Variants in TRIM37 observed in about 807,000 individuals in gnomAD.
TRIM37 encodes the protein E3 ubiquitin-protein ligase TRIM37.
TRIM37 carries 80 observed loss-of-function variants against 129.8 expected under a neutral mutation model. The ratio of observed to expected loss-of-function variants is 0.62; its 90% CI spans 0.51 to 0.74. The LOEUF (loss-of-function observed/expected upper bound fraction) is 0.74, where lower values mean the gene tolerates loss of function less well. Ranked by LOEUF, TRIM37 falls within the 30% of genes least tolerant of loss-of-function variation. TRIM37 has a pLI of 0.00. For synonymous variants in TRIM37, 389 were observed against 387.1 expected (o/e 1.00, Z -0.06); for missense variants, 1,054 against 1,176.5 (o/e 0.90, Z 1.52).
chr17:59,066,110 G>A (rs1252601163), intron 9 of TRIM37, among the ~76,000 whole-genome samples: 1 of 152,078 alleles, frequency 6.6e-6, no homozygotes, highest in Non-Finnish European at 1.5e-5. Context: ...TTTGCTCTAA[G>A]GTCTTCCCAT....
intron 21 of TRIM37, among the ~76,000 whole-genome samples, chr17:59,015,330 C>G (rs978058514): frequency 6.6e-6 from 1 of 150,876 alleles, no homozygotes; most frequent in African/African-American, 2.4e-5. Flanking sequence ...ATCCCAGCTA[C>G]TTGGGAGGCT....
At chr17:58,997,672 GA>G (rs1859414138), downstream of TRIM37, among the ~76,000 whole-genome samples, 1 of 152,092 alleles carries the variant, frequency 6.6e-6, no homozygotes, top group South Asian at 2.1e-4. Flanking sequence ...ACTAAATACA[GA>G]AGCAAGGTAA....
intron 24 of TRIM37, among the ~76,000 whole-genome samples, chr17:58,986,013 A>G (rs1447744737): frequency 1.3e-5 from 2 of 152,226 alleles, no homozygotes; most frequent in Non-Finnish European, 2.9e-5. Context: ...ATCAAAAGGA[A>G]CACCTCTTTC....
rs1005170663 is a variant in TRIM37 at position 59,015,076 on chromosome 17, C to CA, written c.2576+533dup. On this transcript the variant is annotated intron_variant, in intron 21 of 23. Coordinates refer to ENST00000262294, the MANE Select transcript of TRIM37 (RefSeq NM_015294.6). ...TGGGCAACAGAGCGAGACTCCATCT[C>CA]AAAAAAAAAAAAAGTACTATCTCAT... is the stretch of plus-strand genomic sequence containing the variant. Among the ~76,000 whole-genome samples, 335 of 76,070 alleles carry CA rather than the reference C, an allele frequency of 4.4e-3. 2 individuals are homozygous for CA. The highest frequency in any genetic ancestry group is 0.028 in the East Asian group (78 of 2,770). 49.9% of individuals were successfully genotyped at this position (76,070 alleles called of 152,430 possible).
In TRIM37 at chr17:59,081,955, A is replaced by ATAAT. The variant is rs1204088877; in HGVS notation, c.370-737_370-736insATTA. Among the ~76,000 whole-genome samples, 436 of 117,520 alleles carry ATAAT rather than the reference A, an allele frequency of 3.7e-3. 4 individuals carry two copies. The highest frequency in any genetic ancestry group is 0.014 in the African/African-American group (399 of 28,320). The allele number at this position is 117,520 out of a possible 152,430, so 77.1% of individuals were successfully genotyped here. A position where few individuals can be genotyped will look rare whatever the true frequency, so the allele number is the denominator to read the frequency against. On this transcript the variant is annotated intron_variant, in intron 5 of 23. Transcript: ENST00000262294. ...TAAAAACCAAAAAAAAAAAAAAATA[A>ATAAT]AAAAAAAAAAATAATAATAATAATA...
intron 9 of TRIM37, among the ~76,000 whole-genome samples, chr17:59,068,174 C>A (rs774391145): frequency 9.2e-5 from 14 of 152,152 alleles, no homozygotes; most frequent in Non-Finnish European, 1.8e-4. Context: ...AGAGAGAAGG[C>A]CCTGAAAGTG....
the TRIM37 span, chr17:58,969,518 G>A: frequency 1.9e-3 from 3,140 of 1,613,384 alleles, 37 homozygotes; most frequent in South Asian, 0.017. Flanking sequence ...TCCCATAACT[G>A]TTCTGTGTTT....
At chr17:59,051,555 T>G (rs1414421253) in intron 13 of TRIM37, among the ~76,000 whole-genome samples, 1 of 152,158 alleles carries the variant, frequency 6.6e-6, no homozygotes, top group Non-Finnish European at 1.5e-5. Flanking sequence ...CATTGTACAT[T>G]GTAGTTAAGC....
rs191193597 is a variant in TRIM37, at chr17:59,063,243, G to T, written c.861-595C>A. ...TGCCCAGGCTGGAGCGCAGTGGCAC[G>T]ATCTCAGCTCACTGCAACCTCCACC... On this transcript the variant is annotated intron_variant, in intron 10 of 23. Coordinates refer to ENST00000262294, the MANE Select transcript of TRIM37 (RefSeq NM_015294.6). Among the ~76,000 whole-genome samples, 40 of 151,718 alleles carry T rather than the reference G, an allele frequency of 2.6e-4. No homozygotes were observed. The East Asian group carries it at 7.6e-3, about 29-fold the overall frequency.
Position 58,998,585 on chromosome 17 carries a change from T to A in TRIM37, c.*792A>T. On this transcript the variant is annotated 3_prime_UTR_variant, in exon 24 of 24. Coordinates refer to ENST00000262294, the MANE Select transcript of TRIM37 (RefSeq NM_015294.6). ...GTTGACACTGAAATCAATGTACAAC[T>A]AATGAAAATAAAGAAGAAAAGGGGG... 13 of 985,294 alleles carry A rather than the reference T, an allele frequency of 1.3e-5. No individual in the cohort carries two copies. The highest frequency in any genetic ancestry group is 1.6e-5 in the Non-Finnish European group (13 of 829,910). 61.0% of individuals were successfully genotyped at this position (985,294 alleles called of 1,614,324 possible).
intron 22 of TRIM37, among the ~76,000 whole-genome samples, chr17:59,012,025 C>T (rs1567967218): frequency 6.6e-6 from 1 of 152,158 alleles, no homozygotes; most frequent in East Asian, 1.9e-4. Context: ...TTTCCCCATA[C>T]AAATGCCTGT....
At chr17:59,005,442 C>T (rs1030352941) in intron 22 of TRIM37, among the ~76,000 whole-genome samples, 2 of 152,060 alleles carry the variant, frequency 1.3e-5, no homozygotes, top group African/African-American at 4.8e-5. Flanking sequence ...TGCCACCACA[C>T]CCAGCTAATT....
At chr17:58,995,313 T>C (rs1262424883), downstream of TRIM37, among the ~76,000 whole-genome samples, 1 of 151,824 alleles carries the variant, frequency 6.6e-6, no homozygotes, top group African/African-American at 2.4e-5. Flanking sequence ...TAGATAGCAT[T>C]CTCCAATAAA....
At chr17:59,062,913 G>A (rs1455841751) in intron 10 of TRIM37, among the ~76,000 whole-genome samples, 1 of 152,142 alleles carries the variant, frequency 6.6e-6, no homozygotes, top group Non-Finnish European at 1.5e-5. Flanking sequence ...ACATTTAAGG[G>A]AAAAGGAATG....
the TRIM37 span, among the ~76,000 whole-genome samples, chr17:58,976,627 G>A: frequency 6.6e-6 from 1 of 152,282 alleles, no homozygotes; most frequent in Middle Eastern, 3.4e-3. Context: ...GGAGAGAAGA[G>A]GTTGAAGACA....
At chr17:59,081,386 C>A (rs1446536706) in intron 5 of TRIM37, among the ~76,000 whole-genome samples, 167 bp from the exon 6 acceptor site, 1 of 152,178 alleles carries the variant, frequency 6.6e-6, no homozygotes, top group Non-Finnish European at 1.5e-5. Context: ...CTTAAAATCA[C>A]TTGGTCCAAG....
intron 12 of TRIM37, among the ~76,000 whole-genome samples, chr17:59,059,663 A>G (rs1271866768): frequency 6.6e-6 from 1 of 152,134 alleles, no homozygotes; most frequent in Non-Finnish European, 1.5e-5. Flanking sequence ...AGACACTGTA[A>G]ATTTTACTCT....
intron 9 of TRIM37, among the ~76,000 whole-genome samples, chr17:59,069,397 C>T (rs2042183733): frequency 6.6e-6 from 1 of 151,606 alleles, no homozygotes; most frequent in African/African-American, 2.4e-5. Flanking sequence ...TAAAATAGTA[C>T]AATGAATGCT....
At chr17:59,068,971 C>A (rs1021006304) in intron 9 of TRIM37, among the ~76,000 whole-genome samples, 6 of 152,150 alleles carry the variant, frequency 3.9e-5, no homozygotes, top group African/African-American at 1.4e-4. Context: ...GGAAAGCTCA[C>A]CCCACCCCAC....
Sources: allele counts gnomAD v4.1 joint callset (sites outside exome capture counted in the v4.1 genomes callset), GRCh38; gene constraint gnomAD v4.1.1; transcripts MANE v1.5; gene names NCBI Gene and HGNC (gene_info 2026-07-23, HGNC 2026-07-21).